Variants in PARD3B observed in about 807,000 individuals in gnomAD.
PARD3B encodes the protein partitioning defective 3 homolog B.
In PARD3B, 103 loss-of-function variants were observed where a neutral mutation model predicts 130.2. That is an observed-to-expected ratio of 0.79 (90% CI 0.67 to 0.93). The LOEUF (loss-of-function observed/expected upper bound fraction) is 0.93. Ranked by LOEUF, PARD3B falls within the 40% of genes least tolerant of loss-of-function variation. The probability of loss-of-function intolerance (pLI) is 0.00; values close to 1 mark genes in which losing one functional copy is unlikely to be tolerated. For missense variants in PARD3B, 1,609 were observed against 1,499.2 expected (o/e 1.07, Z -1.21); for synonymous variants, 583 against 553.2 (o/e 1.05, Z -0.76).
At chr2:204,786,873 A>C (rs978953889) in intron 2 of PARD3B, among the ~76,000 whole-genome samples, 1 of 151,940 alleles carries the variant, frequency 6.6e-6, no homozygotes, top group African/African-American at 2.4e-5. Context: ...TTCTCAATGT[A>C]ATAAAGATGA....
rs571734974 is a variant in PARD3B, at chr2:204,854,349, T to C, written c.223-110803T>C. Among the ~76,000 whole-genome samples the C allele has an allele frequency of 1.8e-4, 28 of 152,220 alleles. 2 individuals carry two copies. In the South Asian group the frequency reaches 4.8e-3, roughly 26 times the overall value. ...AGGTGAGGTAGAAGTGATGAGGGCA[T>C]TCCATGCTAAAAGTATAGGTTAGAA... On this transcript the variant is annotated intron_variant, in intron 2 of 22. Transcript: ENST00000406610.
At chr2:205,131,400 C>T (rs2031985601) in intron 10 of PARD3B, among the ~76,000 whole-genome samples, 1 of 152,046 alleles carries the variant, frequency 6.6e-6, no homozygotes, top group Non-Finnish European at 1.5e-5. Context: ...TCAGCTTTTC[C>T]CTACAATAAT....
chr2:205,427,592 C>T (rs1186224643), intron 19 of PARD3B, among the ~76,000 whole-genome samples: 3 of 152,024 alleles, frequency 2.0e-5, no homozygotes, highest in Admixed American at 6.6e-5. Flanking sequence ...AATATATAAA[C>T]ATGCTTGCTT....
chr2:205,311,111 T>C (rs2042372155), intron 18 of PARD3B, among the ~76,000 whole-genome samples: 1 of 152,246 alleles, frequency 6.6e-6, no homozygotes, highest in Admixed American at 6.5e-5. Flanking sequence ...ATGTCTTGGC[T>C]GTTGTGAATA....
At position 205,575,751 on chromosome 2, in the gene PARD3B, G is replaced by A. The variant is rs1358134490; in HGVS notation, c.3260+22348G>A. Among the ~76,000 whole-genome samples, 1 of 152,026 alleles carries A rather than the reference G, an allele frequency of 6.6e-6. No homozygotes were observed. The highest frequency in any genetic ancestry group is 1.5e-5 in the Non-Finnish European group (1 of 68,000). The stretch of plus-strand genomic sequence containing the variant: ...GAATAATATTCCAGTGTTTGGTTGT[G>A]GCACAGTTGATTCATTCACTTACTA... On this transcript the variant is annotated intron_variant, in intron 22 of 22. Transcript: ENST00000406610. The surrounding 1 kb of genome is among the most constrained non-coding windows in gnomAD (Gnocchi z 4.6).
At position 204,834,493 on chromosome 2, in the gene PARD3B, T is replaced by C. The variant is rs555197976; in HGVS notation, c.223-130659T>C. The stretch of plus-strand genomic sequence containing the variant: ...TACATTATAATGGTATTGAGCAAAA[T>C]ATCTTTAGGTGAAGGTAGTATTATG... On this transcript the variant is annotated intron_variant, in intron 2 of 22. Transcript: ENST00000406610. Among the ~76,000 whole-genome samples, 3 of 152,326 alleles carry C rather than the reference T, an allele frequency of 2.0e-5. No individual in the cohort carries two copies. The South Asian group carries it at 6.2e-4, about 32-fold the overall frequency.
At chr2:204,877,160 G>A (rs140159872) in intron 2 of PARD3B, among the ~76,000 whole-genome samples, 2,186 of 152,130 alleles carry the variant, frequency 0.014, 147 homozygotes, top group Admixed American at 0.12. Flanking sequence ...ACCGAACACC[G>A]CATGTTCTCA....
intron 4 of PARD3B, among the ~76,000 whole-genome samples, chr2:205,068,980 T>C (rs1006131031): frequency 6.6e-6 from 1 of 152,120 alleles, no homozygotes; most frequent in Non-Finnish European, 1.5e-5. Context: ...TGAAAACATG[T>C]CTCCTACTTT....
chr2:204,935,096 C>G (rs925169406), intron 2 of PARD3B, among the ~76,000 whole-genome samples: 2 of 149,644 alleles, frequency 1.3e-5, no homozygotes, highest in African/African-American at 4.9e-5. Context: ...CACAGTTTGA[C>G]TTTTTTACTT....
chr2:205,212,312 A>G (rs1040845630), intron 15 of PARD3B, among the ~76,000 whole-genome samples: 3 of 152,142 alleles, frequency 2.0e-5, no homozygotes, highest in African/African-American at 4.8e-5. Flanking sequence ...CCATTAGTGC[A>G]TGTTTTGTAC....
At chr2:205,380,495 A>T (rs1350886938) in intron 18 of PARD3B, among the ~76,000 whole-genome samples, 1 of 3,044 alleles carries the variant, frequency 3.3e-4, no homozygotes, top group Non-Finnish European at 7.1e-4. Context: ...ATATATAAAG[A>T]ATATATATTA....
intron 16 of PARD3B, among the ~76,000 whole-genome samples, chr2:205,259,098 T>C (rs1390972818): frequency 1.3e-5 from 2 of 152,290 alleles, no homozygotes; most frequent in East Asian, 3.9e-4. Flanking sequence ...ATTTCCATTT[T>C]GTTTTCTTTC....
chr2:204,902,836 G>T (rs912763641), intron 2 of PARD3B, among the ~76,000 whole-genome samples: 12 of 151,950 alleles, frequency 7.9e-5, no homozygotes, highest in Non-Finnish European at 1.6e-4. Context: ...AAGTTATCTT[G>T]CCAGCAATGG....
At position 204,777,049 on chromosome 2, in the gene PARD3B, A is replaced by T. The variant is rs534763194; in HGVS notation, c.222+90767A>T. On this transcript the variant is annotated intron_variant, in intron 2 of 22. Transcript: ENST00000406610. ...GCAGCAGCTTTGCTCAGTGAAGATGATAAATAAACCTAATGGTATGTTCAT... is the reference window on the plus strand; with the variant it reads ...GCAGCAGCTTTGCTCAGTGAAGATGTTAAATAAACCTAATGGTATGTTCAT... Among the ~76,000 whole-genome samples the T allele has an allele frequency of 2.0e-5, 3 of 152,316 alleles. No individual in the cohort carries two copies. The South Asian group carries it at 6.2e-4, about 32-fold the overall frequency.
chr2:205,506,213 G>A (rs1367050687), intron 21 of PARD3B, among the ~76,000 whole-genome samples: 1 of 152,028 alleles, frequency 6.6e-6, no homozygotes, highest in Non-Finnish European at 1.5e-5. Context: ...CACACCTGTA[G>A]TCCCAGCTAC....
chr2:205,602,442 G>T (rs1158647721), intron 22 of PARD3B, among the ~76,000 whole-genome samples: 12 of 152,056 alleles, frequency 7.9e-5, no homozygotes, highest in Non-Finnish European at 1.8e-4. Context: ...AGTAGTTTTA[G>T]AAAAAATGGT....
At chr2:205,088,580 C>T (rs1701885487) in intron 4 of PARD3B, among the ~76,000 whole-genome samples, 1 of 151,966 alleles carries the variant, frequency 6.6e-6, no homozygotes, top group East Asian at 1.9e-4. Flanking sequence ...AAAAATCAAC[C>T]CTCAACTTTC....
intron 10 of PARD3B, among the ~76,000 whole-genome samples, chr2:205,129,115 C>T (rs753663942): frequency 6.6e-6 from 1 of 152,160 alleles, no homozygotes; most frequent in Non-Finnish European, 1.5e-5. Context: ...AAGTTTCTAG[C>T]AAATATCTAG....
rs990664255 is a variant in PARD3B at position 205,122,653 on chromosome 2, G to C, written c.1165+704G>C. Among the ~76,000 whole-genome samples the C allele has an allele frequency of 1.3e-5, 2 of 152,102 alleles. No individual in the cohort carries two copies. The highest frequency in any genetic ancestry group is 2.9e-5 in the Non-Finnish European group (2 of 68,014). On this transcript the variant is annotated intron_variant, in intron 8 of 22. Transcript: ENST00000406610. The surrounding 1 kb of genome is among the most constrained non-coding windows in gnomAD (Gnocchi z 4.3). Reference sequence around the variant, plus strand: ...CCCCATTGCAACCTTCTGAAATTCTGTGTTTTTCAAGACAACTCAAAAGAA... The same window carrying C: ...CCCCATTGCAACCTTCTGAAATTCTCTGTTTTTCAAGACAACTCAAAAGAA...
Sources: gnomAD v4.1 joint callset for allele counts (sites outside exome capture counted in the v4.1 genomes callset) on GRCh38, gnomAD v4.1.1 for gene constraint, Gnocchi (gnomAD v3.1) non-coding constraint, MANE v1.5 for transcripts, NCBI Gene and HGNC (gene_info 2026-07-23, HGNC 2026-07-21) for gene names.